POLR3A: variants seen among roughly 807,000 people sequenced by gnomAD.
POLR3A encodes the protein DNA-directed RNA polymerase III subunit RPC1.
In POLR3A, 112 loss-of-function variants were observed where a neutral mutation model predicts 152.8. The observed-to-expected ratio is 0.73, with a 90% CI of 0.63 to 0.86. The LOEUF (loss-of-function observed/expected upper bound fraction) is 0.86. Among genes scored for constraint, POLR3A ranks in the 40% least tolerant of loss-of-function variants. POLR3A has a pLI of 0.00. For synonymous variants in POLR3A, 615 were observed against 652.1 expected (o/e 0.94, Z 0.87); for missense variants, 1,385 against 1,743.1 (o/e 0.79, Z 3.66).
In POLR3A at chr10:78,027,001, A is replaced by G. The variant is rs147011697; in HGVS notation, c.45-772T>C. Among the ~76,000 whole-genome samples, 580 of 152,350 alleles carry G rather than the reference A, an allele frequency of 3.8e-3. 2 individuals carry two copies. Among genetic ancestry groups the G allele is most frequent in the African/African-American group, 0.011 (466 of 41,592 alleles). On this transcript the variant is annotated intron_variant, in intron 1 of 30. Coordinates refer to ENST00000372371, the MANE Select transcript of POLR3A (RefSeq NM_007055.4). ...GCTGAGGATACAGATTAGCTAAGAC[A>G]GACAAGGTCCTTGCCAACAAAGAGC...
At chr10:78,005,416 C>A (rs1348466614) in intron 15 of POLR3A, among the ~76,000 whole-genome samples, 2 of 152,218 alleles carry the variant, frequency 1.3e-5, no homozygotes, top group African/African-American at 2.4e-5. Flanking sequence ...CACTGCGCTC[C>A]AGCCTGGGCA....
chr10:78,022,440 G>T, intron 5 of POLR3A, 56 bp from the exon 6 acceptor site: 1 of 1,593,746 alleles, frequency 6.3e-7, no homozygotes. Flanking sequence ...TCCATAGCTT[G>T]GGCAAGGTTT....
intron 18 of POLR3A, 82 bp from the exon 19 acceptor site, chr10:78,000,200 GC>G: frequency 8.0e-7 from 1 of 1,249,392 alleles, no homozygotes; most frequent in Non-Finnish European, 1.2e-6. Context: ...ATCAGAAAAT[GC>G]CCCACCTTGA....
chr10:78,018,035 G>T (rs763631841), intron 9 of POLR3A, among the ~76,000 whole-genome samples: 1 of 151,768 alleles, frequency 6.6e-6, no homozygotes, highest in Non-Finnish European at 1.5e-5. Context: ...TTAGCCAAAC[G>T]TGGTGGGGTG....
intron 1 of POLR3A, among the ~76,000 whole-genome samples, chr10:78,027,839 G>C (rs1201692416): frequency 1.3e-5 from 2 of 152,072 alleles, no homozygotes; most frequent in East Asian, 3.9e-4. Flanking sequence ...TTACAGACGT[G>C]AGCCACCACT....
In POLR3A at chr10:77,985,795, T is replaced by G. The variant is rs113513581; in HGVS notation, c.3071+108A>C. 7 of 822,926 alleles carry G rather than the reference T, an allele frequency of 8.5e-6. No homozygotes were observed. The East Asian group carries it at 1.7e-4, about 20-fold the overall frequency. The allele number at this position is 822,926 out of a possible 1,614,324, so 51.0% of individuals were successfully genotyped here. A position where few individuals can be genotyped will look rare whatever the true frequency, so the allele number is the denominator to read the frequency against. The stretch of plus-strand genomic sequence containing the variant: ...AATGTGACAGAATCTGATCAAATAC[T>G]GGCAGTTAACAAGTGAGCTGGTGCA... On this transcript the variant is annotated intron_variant, in intron 23 of 30. Coordinates refer to ENST00000372371, the MANE Select transcript of POLR3A (RefSeq NM_007055.4).
chr10:78,008,822 C>G (rs1847435315), intron 14 of POLR3A, among the ~76,000 whole-genome samples: 1 of 146,598 alleles, frequency 6.8e-6, no homozygotes, highest in African/African-American at 2.5e-5. Context: ...CCAGCCTGGG[C>G]AACGTAGGGA....
chr10:78,001,572 C>T (rs777982360), intron 17 of POLR3A, among the ~76,000 whole-genome samples: 3 of 152,112 alleles, frequency 2.0e-5, no homozygotes, highest in Non-Finnish European at 2.9e-5. Flanking sequence ...AAAAAGTGTA[C>T]AGAAATAGAA....
At chr10:77,999,907 C>T (rs186931226) in intron 19 of POLR3A, 74 bp downstream of exon 19, 14 of 1,416,992 alleles carry the variant, frequency 9.9e-6, no homozygotes, top group Admixed American at 1.7e-5. Flanking sequence ...ATGTGCAAAA[C>T]GTGTACTCAA....
chr10:77,984,598 T>A (rs1332966259), intron 24 of POLR3A, among the ~76,000 whole-genome samples: 5 of 152,218 alleles, frequency 3.3e-5, no homozygotes, highest in African/African-American at 1.2e-4. Flanking sequence ...CGCCTCAGCC[T>A]CCCAAAGTGC....
At chr10:77,998,189 C>T (rs1454895498) in intron 19 of POLR3A, among the ~76,000 whole-genome samples, 1 of 152,082 alleles carries the variant, frequency 6.6e-6, no homozygotes, top group Non-Finnish European at 1.5e-5. Context: ...AGACCTAAAA[C>T]CATAAAAACC....
intron 19 of POLR3A, among the ~76,000 whole-genome samples, chr10:77,996,737 A>G (rs1335452643): frequency 6.6e-6 from 1 of 152,192 alleles, no homozygotes; most frequent in Non-Finnish European, 1.5e-5. Context: ...AGAGGTAAAA[A>G]GAGGAGCTGG....
Position 78,004,820 on chromosome 10 carries a change from C to T in POLR3A, c.2143G>A (p.Glu715Lys), listed in dbSNP as rs1847395097. Reference protein sequence around the residue: ...PGQGLLKAKYELLNAGYKKCD... With the variant: ...PGQGLLKAKYKLLNAGYKKCD... ...TTCTTGTAGCCGGCATTCAGCAACT[C>T]ATACTTGGCCTTCAGCAGTCCTTGG... The change falls in exon 16 of 31, where the codon GAG becomes AAG. Residue 715 changes from glutamate (E) to lysine (K), a missense_variant. Around this residue, in one of 7 missense-constraint regions of POLR3A, gnomAD observed 170 missense variants for 231.2 expected, o/e 0.74. Coordinates refer to ENST00000372371, the MANE Select transcript of POLR3A (RefSeq NM_007055.4). The T allele has an allele frequency of 1.2e-6, 2 of 1,613,976 alleles. No homozygotes were observed. The highest frequency in any genetic ancestry group is 3.3e-5 in the Admixed American group (2 of 60,006).
At chr10:77,998,643 A>G (rs1388035823) in intron 19 of POLR3A, among the ~76,000 whole-genome samples, 2 of 152,368 alleles carry the variant, frequency 1.3e-5, no homozygotes, top group East Asian at 3.9e-4. Flanking sequence ...TTAAAAAGTC[A>G]GGAAACAACA....
chr10:78,013,655 T>A lies in POLR3A; in HGVS notation c.1567A>T (p.Met523Leu). Residue 523 changes from methionine (M) to leucine (L), a missense_variant, in exon 11 of 31, where the codon ATG becomes TTG. By Grantham distance (15) the Met-to-Leu change is conservative. Transcript: ENST00000372371. ...EEAKAEALVL[M>L]GTKANLVTPR... ...GGCTGTGCCACCCTACATACCCCCA[T>A]CAGAACAAGGGCCTCTGCTTTAGCT... 1 of 1,613,964 alleles carries A rather than the reference T, an allele frequency of 6.2e-7. No homozygotes were observed. Among genetic ancestry groups the A allele is most frequent in the African/African-American group, 1.3e-5 (1 of 74,996 alleles).
chr10:78,011,365 G>T (rs973746694), intron 11 of POLR3A, among the ~76,000 whole-genome samples: 3 of 152,148 alleles, frequency 2.0e-5, no homozygotes, highest in Non-Finnish European at 2.9e-5. Context: ...GCAAAAAAGG[G>T]TGTTAGGTAG....
At chr10:78,008,971 G>A (rs1053862247) in intron 14 of POLR3A, among the ~76,000 whole-genome samples, 3 of 151,544 alleles carry the variant, frequency 2.0e-5, no homozygotes, top group African/African-American at 7.3e-5. Context: ...TGGCCAACAC[G>A]GTGAAACCCC....
chr10:77,986,704 G>GCCTC (rs1338711852), intron 21 of POLR3A, among the ~76,000 whole-genome samples: 1 of 151,966 alleles, frequency 6.6e-6, no homozygotes, highest in Admixed American at 6.6e-5. Flanking sequence ...TTCCCCTCTG[G>GCCTC]TAACCACCTC....
chr10:78,017,630 A>G lies in POLR3A; in HGVS notation c.1376T>C (p.Val459Ala). Residue 459 changes from valine to alanine, a missense_variant, in exon 10 of 31, where the codon GTG becomes GCG. Physicochemically the swap from Val to Ala is moderately conservative, Grantham distance 64. Coordinates refer to ENST00000372371, the MANE Select transcript of POLR3A (RefSeq NM_007055.4). ...CGAGGGCTGCCGATTGAACAGCACC[A>G]CATCTCCATCGATGAGGTGTCTCTC... ...IVERHLIDGD[V>A]VLFNRQPSLH... 6.2e-7 allele frequency: 1 copy of G among 1,613,448 alleles called. No homozygotes were observed. Among genetic ancestry groups the G allele is most frequent in the African/African-American group, 1.3e-5 (1 of 75,052 alleles).
Sources: allele counts gnomAD v4.1 joint callset (sites outside exome capture counted in the v4.1 genomes callset), GRCh38; gene constraint gnomAD v4.1.1; regional missense constraint gnomAD v4.1.1; transcripts MANE v1.5; gene names NCBI Gene and HGNC (gene_info 2026-07-23, HGNC 2026-07-21).